The following MTMR8 variants were observed in gnomAD, a reference collection of about 807,000 sequenced individuals.
The protein encoded by MTMR8 is myotubularin related protein 8.
MTMR8 carries 65 observed loss-of-function variants against 39.3 expected under a neutral mutation model. That is an observed-to-expected ratio of 1.65 (90% CI 1.35 to 2.03). The LOEUF (loss-of-function observed/expected upper bound fraction) is 2.03, where lower values mean the gene tolerates loss of function less well. MTMR8 is among the 30% of genes most tolerant of loss of function. The probability of loss-of-function intolerance (pLI) is 0.00; values close to 1 mark genes in which losing one functional copy is unlikely to be tolerated. For synonymous variants in MTMR8, 245 were observed against 185.2 expected (o/e 1.32, Z -2.62); for missense variants, 777 against 538.9 (o/e 1.44, Z -4.37).
chrX:64,291,456 T>A (rs1221007302), intron 12 of MTMR8, among the ~76,000 whole-genome samples: 1 of 110,756 alleles, frequency 9.0e-6, no homozygotes, highest in Non-Finnish European at 1.9e-5. Context: ...TTCCTTGCCT[T>A]CCTCCCCTTC....
intron 6 of MTMR8, among the ~76,000 whole-genome samples, chrX:64,346,850 C>G (rs191408465): frequency 9.0e-6 from 1 of 110,614 alleles, no homozygotes; most frequent in Non-Finnish European, 1.9e-5. Context: ...AAGATACAGA[C>G]GCGATTAAAC....
intron 10 of MTMR8, among the ~76,000 whole-genome samples, chrX:64,332,065 G>A (rs1922958291): frequency 8.9e-6 from 1 of 111,937 alleles, no homozygotes; most frequent in Non-Finnish European, 1.9e-5. Context: ...CAATATAGCA[G>A]CCACTAACTG....
At chrX:64,388,344 C>T (rs760808680) in intron 1 of MTMR8, among the ~76,000 whole-genome samples, 13 of 112,021 alleles carry the variant, frequency 1.2e-4, no homozygotes, top group African/African-American at 2.6e-4. Context: ...GTATTAAAAA[C>T]GGCAGGCTTT....
chrX:64,329,009 A>C, intron 11 of MTMR8, 109 bp from the exon 12 acceptor site: 5 of 730,265 alleles, frequency 6.8e-6, no homozygotes, highest in Non-Finnish European at 9.5e-6. Flanking sequence ...AACCCAGCTC[A>C]AGAAAGGACG....
At chrX:64,318,975 T>C (rs28626828) in intron 12 of MTMR8, among the ~76,000 whole-genome samples, 26,851 of 111,282 alleles carry the variant, frequency 0.24, 7,719 homozygotes, top group African/African-American at 0.83. Context: ...GCCACCACGC[T>C]CAGCCTAAAT....
At chrX:64,334,889 C>A (rs769314431) in intron 10 of MTMR8, among the ~76,000 whole-genome samples, 5 of 111,865 alleles carry the variant, frequency 4.5e-5, no homozygotes, top group African/African-American at 9.8e-5. Flanking sequence ...CTGTCTTAAG[C>A]ACTTATCATA....
rs1922080425 is a variant in MTMR8 at position 64,305,523 on chromosome X, G to A, written c.1481+23249C>T. On this transcript the variant is annotated intron_variant, in intron 12 of 13. Transcript: ENST00000374852. ...CAGGATTGCCCACAAGTATGAAAGA[G>A]CATCATAATTCACAACTACTTCTGT... The A allele has an allele frequency of 2.4e-5, 9 of 374,512 alleles. No individual in the cohort carries two copies. The South Asian group carries it at 3.3e-4, about 14-fold the overall frequency. The allele number at this position is 374,512 out of a possible 1,213,427, so 30.9% of individuals were successfully genotyped here. A position where few individuals can be genotyped will look rare whatever the true frequency, so the allele number is the denominator to read the frequency against.
At chrX:64,335,859 T>C (rs183105887) in intron 10 of MTMR8, among the ~76,000 whole-genome samples, 74 of 112,396 alleles carry the variant, frequency 6.6e-4, no homozygotes, top group African/African-American at 2.1e-3. Flanking sequence ...CAATTTGATA[T>C]AATTACTTGT....
rs1353361652 is a variant in MTMR8, at chrX:64,343,593, A to T, written c.975+18T>A. 5.6e-6 allele frequency: 6 copies of T among 1,073,312 alleles called. No individual in the cohort carries two copies. The highest frequency in any genetic ancestry group is 4.5e-5 in the Admixed American group (2 of 44,230). The allele number at this position is 1,073,312 out of a possible 1,213,427, so 88.5% of individuals were successfully genotyped here. ...CATAATTAAAGTCAGTGCAAATTTT[A>T]AAAGTCCTGATTATTACCTTTGTAA... On this transcript the variant is annotated intron_variant, in intron 8 of 13. Coordinates refer to ENST00000374852, the MANE Select transcript of MTMR8 (RefSeq NM_017677.4).
At chrX:64,297,739 A>C (rs1458170778) in intron 12 of MTMR8, among the ~76,000 whole-genome samples, 1 of 109,336 alleles carries the variant, frequency 9.1e-6, no homozygotes, top group Non-Finnish European at 1.9e-5. Context: ...TCTTTACTCC[A>C]TCTTGAATTG....
chrX:64,387,367 G>A (rs188968407), intron 1 of MTMR8, among the ~76,000 whole-genome samples: 130 of 111,393 alleles, frequency 1.2e-3, no homozygotes, highest in African/African-American at 4.0e-3. Flanking sequence ...CCTACCAAAC[G>A]GCTACATTAT....
At chrX:64,294,484 A>G (rs926152195) in intron 12 of MTMR8, among the ~76,000 whole-genome samples, 17 of 111,927 alleles carry the variant, frequency 1.5e-4, no homozygotes, top group Non-Finnish European at 2.4e-4. Context: ...TCCTTACTAA[A>G]TCTTACCAAG....
intron 1 of MTMR8, among the ~76,000 whole-genome samples, chrX:64,374,867 G>A (rs1386724283): frequency 9.2e-6 from 1 of 109,246 alleles, no homozygotes; most frequent in Non-Finnish European, 1.9e-5. Flanking sequence ...GTGAAATGGA[G>A]GCAGAGATTG....
intron 5 of MTMR8, among the ~76,000 whole-genome samples, chrX:64,349,384 C>A (rs1289020842): frequency 9.0e-6 from 1 of 111,331 alleles, no homozygotes; most frequent in Non-Finnish European, 1.9e-5. Context: ...AATATGACAC[C>A]CAATTGCATT....
chrX:64,368,303 C>A (rs1430305854), intron 1 of MTMR8, among the ~76,000 whole-genome samples: 1 of 111,736 alleles, frequency 8.9e-6, no homozygotes, highest in Non-Finnish European at 1.9e-5. Context: ...ATTGCCAAGA[C>A]AATCGTAAGC....
intron 12 of MTMR8, among the ~76,000 whole-genome samples, chrX:64,302,308 G>A (rs1314676811): frequency 8.9e-6 from 1 of 112,385 alleles, no homozygotes; most frequent in Non-Finnish European, 1.9e-5. Flanking sequence ...CGCAATATTC[G>A]GGTTGGAGTG....
intron 12 of MTMR8, among the ~76,000 whole-genome samples, chrX:64,289,762 C>A (rs1921336068): frequency 9.1e-6 from 1 of 110,256 alleles, no homozygotes; most frequent in Non-Finnish European, 1.9e-5. Flanking sequence ...ACGTCCACTG[C>A]CAGATGATAA....
intron 12 of MTMR8, among the ~76,000 whole-genome samples, chrX:64,308,341 T>C (rs1203068372): frequency 1.2e-3 from 121 of 100,423 alleles, no homozygotes; most frequent in African/African-American, 4.3e-3. Context: ...TTTTTTTTTT[T>C]TGTATTTTTA....
chrX:64,298,585 A>G (rs1251059638), intron 12 of MTMR8, among the ~76,000 whole-genome samples: 9 of 91,407 alleles, frequency 9.8e-5, no homozygotes, highest in Admixed American at 5.2e-4. Context: ...TCTCCTGTCT[A>G]ATTGCCCTGG....
Sources: allele counts gnomAD v4.1 joint callset (sites outside exome capture counted in the v4.1 genomes callset), GRCh38; gene constraint gnomAD v4.1.1; transcripts MANE v1.5; gene names NCBI Gene and HGNC (gene_info 2026-07-23, HGNC 2026-07-21).